Variants in PDE4A observed in about 807,000 individuals in gnomAD.
The protein encoded by PDE4A is phosphodiesterase 4A.
A neutral mutation model predicts 73.9 loss-of-function variants in PDE4A; 21 were observed. The ratio of observed to expected loss-of-function variants is 0.28; its 90% CI spans 0.20 to 0.41. PDE4A has a LOEUF of 0.41. PDE4A is among the 10% of genes least tolerant of loss of function. The pLI is 1.00. For missense variants in PDE4A, 958 were observed against 1,211.4 expected (o/e 0.79, Z 3.10); for synonymous variants, 463 against 505.4 (o/e 0.92, Z 1.13).
At chr19:10,448,436 A>G (rs1405012204) in intron 2 of PDE4A, among the ~76,000 whole-genome samples, 1 of 152,064 alleles carries the variant, frequency 6.6e-6, no homozygotes, top group Non-Finnish European at 1.5e-5. Flanking sequence ...CAGGAGTTTG[A>G]GACCATCCTG....
At chr19:10,461,393 G>GA in intron 11 of PDE4A, 133 bp from the exon 12 acceptor site, 2 of 1,509,214 alleles carry the variant, frequency 1.3e-6, no homozygotes, top group Non-Finnish European at 1.8e-6. Flanking sequence ...GGCCGGGCTG[G>GA]GGTAGAGCTG....
chr19:10,444,682 T>C (rs1167559451), intron 1 of PDE4A, among the ~76,000 whole-genome samples: 4 of 150,900 alleles, frequency 2.7e-5, no homozygotes, highest in Non-Finnish European at 4.4e-5. Context: ...TTTTTTTTTT[T>C]TTTTTTGAGA....
rs774153362 is a variant in PDE4A at position 10,461,042 on chromosome 19, C to T, written c.1404C>T (p.Phe468=). The T allele has an allele frequency of 2.5e-6, 4 of 1,613,660 alleles. No individual in the cohort carries two copies. Among genetic ancestry groups the T allele is most frequent in the Non-Finnish European group, 3.4e-6 (4 of 1,179,756 alleles). Residue 468 remains phenylalanine (F), a synonymous_variant, in exon 11 of 15, where the codon TTC becomes TTT. Coordinates refer to ENST00000380702, the MANE Select transcript of PDE4A (RefSeq NM_001111307.2). ...FTDLEILAAL[F]AAAIHDVDHP... ...ACCTGGAGATTCTCGCCGCCCTCTT[C>T]GCGGCTGCCATCCACGATGTGGATC...
intron 1 of PDE4A, among the ~76,000 whole-genome samples, chr19:10,438,689 C>T (rs2042897891): frequency 6.6e-6 from 1 of 152,110 alleles, no homozygotes; most frequent in Admixed American, 6.6e-5. Flanking sequence ...CTCACTGCAA[C>T]CTCCACCTCC....
intron 7 of PDE4A, among the ~76,000 whole-genome samples, chr19:10,456,265 C>T (rs1279068891): frequency 1.3e-5 from 2 of 152,094 alleles, no homozygotes; most frequent in Admixed American, 6.6e-5. Flanking sequence ...CAGTGGCTCA[C>T]GCCTGTAATC....
chr19:10,440,729 G>A, intron 1 of PDE4A, among the ~76,000 whole-genome samples: 1 of 152,116 alleles, frequency 6.6e-6, no homozygotes, highest in African/African-American at 2.4e-5. Context: ...CTCCCCAGTA[G>A]CTGGGATTAC....
chr19:10,431,009 G>C, intron 1 of PDE4A: 3 of 1,578,878 alleles, frequency 1.9e-6, no homozygotes, highest in Non-Finnish European at 1.7e-6. Context: ...TCGCCAGCCC[G>C]TCCCCAACTT....
chr19:10,430,360 G>A (rs1051327511), intron 1 of PDE4A, among the ~76,000 whole-genome samples: 14 of 152,146 alleles, frequency 9.2e-5, no homozygotes, highest in Non-Finnish European at 1.5e-4. Flanking sequence ...GTGCCCTAGG[G>A]TTTATGAGGG....
At chr19:10,454,655 G>A (rs1344324062) in intron 6 of PDE4A, 174 bp from the exon 7 acceptor site, 1 of 676,722 alleles carries the variant, frequency 1.5e-6, no homozygotes, top group African/African-American at 2.0e-5. Flanking sequence ...TCCAGAGCTG[G>A]GAGGACAGGA....
intron 1 of PDE4A, among the ~76,000 whole-genome samples, chr19:10,423,560 T>G (rs2042678322): frequency 6.6e-6 from 1 of 152,144 alleles, no homozygotes; most frequent in Non-Finnish European, 1.5e-5. Flanking sequence ...TTTGTATAAG[T>G]GTCTTGCCCT....
At chr19:10,430,816 G>T in intron 1 of PDE4A, 2 of 980,860 alleles carry the variant, frequency 2.0e-6, no homozygotes, top group Non-Finnish European at 2.5e-6. Context: ...GCTCCCCAGC[G>T]CCCGCCGAGG....
At position 10,458,955 on chromosome 19, in the gene PDE4A, C is replaced by T. The variant is rs1169793611; in HGVS notation, c.1102-445C>T. On this transcript the variant is annotated intron_variant, in intron 8 of 14. Transcript: ENST00000380702. The surrounding 1 kb of genome is among the most constrained non-coding windows in gnomAD (Gnocchi z 4.6). ...ATTAAGCAGCTACTATGTGCTGGCC[C>T]TTTTCTGAATTTTGGAGAGACATGG... 1 of 178,232 alleles carries T rather than the reference C, an allele frequency of 5.6e-6. No individual in the cohort carries two copies. Among genetic ancestry groups the T allele is most frequent in the African/African-American group, 2.3e-5 (1 of 42,700 alleles). The allele number at this position is 178,232 out of a possible 1,614,324, so 11.0% of individuals were successfully genotyped here.
upstream of PDE4A, chr19:10,417,739 C>T: frequency 6.3e-7 from 1 of 1,586,044 alleles, no homozygotes. Flanking sequence ...CGCCTCTCGT[C>T]CGGTCCTGGC....
chr19:10,430,922 C>A, intron 1 of PDE4A: 1 of 1,510,082 alleles, frequency 6.6e-7, no homozygotes, highest in Non-Finnish European at 8.8e-7. Context: ...CGGCTGAGGA[C>A]GAGGCGTTCC....
rs199755060 is a variant in PDE4A at position 10,446,302 on chromosome 19, C to T, written c.405C>T (p.Ala135=). Residue 135 remains alanine (A), a synonymous_variant, in exon 2 of 15, where the codon GCC becomes GCT. Transcript: ENST00000380702. ...SQASPGLVLH[A]GAATSQRRES... is the part of the protein sequence containing the mutation. Reference sequence around the variant, plus strand: ...CGAGCCCAGGACTCGTGCTGCACGCCGGGGCGGCCACCAGCCAGCGCCGGG... The same window carrying T: ...CGAGCCCAGGACTCGTGCTGCACGCTGGGGCGGCCACCAGCCAGCGCCGGG... 2.0e-4 allele frequency: 316 copies of T among 1,611,890 alleles called. 3 individuals are homozygous for T. In the African/African-American group the frequency reaches 3.1e-3, roughly 16 times the overall value.
At position 10,459,725 on chromosome 19, in the gene PDE4A, C is replaced by T. The variant is rs560487582; in HGVS notation, c.1331C>T (p.Ser444Phe). 2 of 1,613,934 alleles carry T rather than the reference C, an allele frequency of 1.2e-6. No homozygotes were observed. Among genetic ancestry groups the T allele is most frequent in the African/African-American group, 2.7e-5 (2 of 75,064 alleles). The change falls in exon 10 of 15, where the codon TCC (serine) becomes TTC (phenylalanine). Residue 444 changes from serine to phenylalanine, a missense_variant. Ser to Phe is a radical substitution (Grantham distance 155, BLOSUM62 -2). Around this residue, in one of 3 missense-constraint regions of PDE4A, gnomAD observed 570 missense variants for 827.7 expected, o/e 0.69. Transcript: ENST00000380702. ...NSLHAADVLQ[S>F]THVLLATPAL... ...CTGCACGCAGCTGACGTGCTGCAGT[C>T]CACCCACGTACTGCTGGCCACGCCT...
At chr19:10,448,797 C>T in intron 2 of PDE4A, 120 bp from the exon 3 acceptor site, 1 of 1,533,700 alleles carries the variant, frequency 6.5e-7, no homozygotes, top group East Asian at 2.3e-5. Context: ...TGTTCTTTCC[C>T]TAGGTCCCAC....
At chr19:10,429,118 A>G (rs542382877) in intron 1 of PDE4A, among the ~76,000 whole-genome samples, 76 of 151,850 alleles carry the variant, frequency 5.0e-4, no homozygotes, top group African/African-American at 1.8e-3. Flanking sequence ...AAAGAAAGAA[A>G]GAGAGAAAGG....
At chr19:10,418,533 C>G (rs549571267), upstream of PDE4A, among the ~76,000 whole-genome samples, 43 of 150,480 alleles carry the variant, frequency 2.9e-4, no homozygotes, top group Admixed American at 2.0e-3. Flanking sequence ...TTGGAGGGTT[C>G]CAGGGTCTCT....
Sources: allele counts gnomAD v4.1 joint callset (sites outside exome capture counted in the v4.1 genomes callset), GRCh38; gene constraint gnomAD v4.1.1; regional missense constraint gnomAD v4.1.1; non-coding constraint Gnocchi (gnomAD v3.1); transcripts MANE v1.5; gene names NCBI Gene and HGNC (gene_info 2026-07-23, HGNC 2026-07-21).